ARHGAP33: variants seen among roughly 807,000 people sequenced by gnomAD.
ARHGAP33 encodes Rho GTPase activating protein 33.
A neutral mutation model predicts 126.2 loss-of-function variants in ARHGAP33; 57 were observed. That is an observed-to-expected ratio of 0.45 (90% CI 0.36 to 0.56). The LOEUF is 0.56. Ranked by LOEUF, ARHGAP33 falls within the 20% of genes least tolerant of loss-of-function variation. ARHGAP33 has a pLI of 0.00. For missense variants in ARHGAP33, 1,500 were observed against 1,748.3 expected, an observed-to-expected ratio of 0.86 and a Z score of 2.53; for synonymous variants, 711 against 755.0, an observed-to-expected ratio of 0.94 and a Z score of 0.95.
rs750073892 is a variant in ARHGAP33 at position 35,780,635 on chromosome 19, G to A, written c.756G>A (p.Pro252=). The A allele has an allele frequency of 7.4e-6, 12 of 1,612,662 alleles. No individual in the cohort carries two copies. In the East Asian group the frequency reaches 8.9e-5, roughly 12 times the overall value. The change falls in exon 9 of 21, where the codon CCG becomes CCA. Residue 252 remains proline (P), a synonymous_variant. Transcript: ENST00000007510. The part of the protein sequence containing the change: ...CVELFTERPG[P]GLKADADGPP... ...AACTCTTCACAGAGCGGCCAGGTCC[G>A]GGCCTGAAGGCGGGTAAGTGCCATG...
intron 19 of ARHGAP33, 95 bp downstream of exon 19, chr19:35,785,578 C>G (rs1972070731): frequency 6.3e-7 from 1 of 1,576,090 alleles, no homozygotes; most frequent in African/African-American, 1.4e-5. Flanking sequence ...TTATACTTCA[C>G]ATTTGGGGGC....
rs1028745029 is a variant in ARHGAP33, at chr19:35,775,579, T to G, written c.-80T>G. 4.2e-6 allele frequency: 6 copies of G among 1,441,452 alleles called. No homozygotes were observed. Among genetic ancestry groups the G allele is most frequent in the Non-Finnish European group, 5.5e-6 (6 of 1,099,894 alleles). The allele number at this position is 1,441,452 out of a possible 1,614,324, so 89.3% of individuals were successfully genotyped here. A position where few individuals can be genotyped will look rare whatever the true frequency, so the allele number is the denominator to read the frequency against. ...CGCGGCTCGCGCCCTCCCCTTTGTG[T>G]CGCCATGGCGGCGGCAGCGGCGACG... is the stretch of plus-strand genomic sequence containing the variant. On this transcript the variant is annotated 5_prime_UTR_variant, in exon 1 of 21. Coordinates refer to ENST00000007510, the MANE Select transcript of ARHGAP33 (RefSeq NM_001366178.1).
chr19:35,787,923 G>C lies in ARHGAP33; in HGVS notation c.3358G>C (p.Gly1120Arg), dbSNP rs143479801. 1.2e-5 allele frequency: 18 copies of C among 1,557,900 alleles called. No homozygotes were observed. The highest frequency in any genetic ancestry group is 1.6e-5 in the Non-Finnish European group (18 of 1,160,720). The change falls in exon 21 of 21, where the codon GGC (glycine) becomes CGC (arginine). Residue 1120 changes from glycine (G) to arginine (R), a missense_variant. Around this residue, in one of 6 missense-constraint regions of ARHGAP33, gnomAD observed 642 missense variants for 634.0 expected, o/e 1.01. Transcript: ENST00000007510. ...MPPDRLNASYGMLGQSPPLHR... is the reference protein window; with the variant it reads ...MPPDRLNASYRMLGQSPPLHR... ...CCCCGACAGGCTCAATGCCTCCTAC[G>C]GCATGCTTGGCCAATCACCCCCACT... is the stretch of plus-strand genomic sequence containing the variant.
At chr19:35,779,425 A>G (rs1971629138) in intron 6 of ARHGAP33, among the ~76,000 whole-genome samples, 1 of 152,048 alleles carries the variant, frequency 6.6e-6, no homozygotes, top group African/African-American at 2.4e-5. Flanking sequence ...GGCTTAAACC[A>G]GAGGGGTTTT....
Position 35,786,431 on chromosome 19 carries a change from G to C in ARHGAP33, c.1961G>C (p.Arg654Thr). ...CCTCCAGGCCTCCAGAGGCTGCACA[G>C]GCTGCGGCGACCCCACTCCAGCAGC... The part of the protein sequence containing the change: ...ASGAGLQRLH[R>T]LRRPHSSSDA... Residue 654 changes from arginine (R) to threonine (T), a missense_variant, in exon 20 of 21, where the codon AGG (arginine) becomes ACG (threonine). Physicochemically the swap from Arg to Thr is moderately conservative, Grantham distance 71 (BLOSUM62 -1). This residue lies in a region of ARHGAP33 where 300 missense variants were observed against 291.1 expected (regional missense o/e 1.03). Coordinates refer to ENST00000007510, the MANE Select transcript of ARHGAP33 (RefSeq NM_001366178.1). The surrounding 1 kb of genome is among the most constrained non-coding windows in gnomAD (Gnocchi z 7.0). 6.5e-7 allele frequency: 1 copy of C among 1,534,528 alleles called. No homozygotes were observed.
intron 15 of ARHGAP33, among the ~76,000 whole-genome samples, chr19:35,783,174 G>C (rs1372570751): frequency 1.3e-5 from 2 of 152,190 alleles, no homozygotes; most frequent in African/African-American, 4.8e-5. Context: ...TCAGGGCAGT[G>C]TGAAGTTTTT....
At chr19:35,785,726 T>C in intron 19 of ARHGAP33, 14 of 1,365,008 alleles carry the variant, frequency 1.0e-5, no homozygotes, top group East Asian at 3.0e-5. Flanking sequence ...ATTATTCCTG[T>C]TGAACATTTT....
At position 35,781,316 on chromosome 19, in the gene ARHGAP33, C is replaced by T. The variant is rs1366430675; in HGVS notation, c.1085+64C>T. The T allele has an allele frequency of 8.6e-6, 13 of 1,508,590 alleles. No individual in the cohort carries two copies. The Middle Eastern group carries it at 5.2e-4, about 61-fold the overall frequency. The allele number at this position is 1,508,590 out of a possible 1,614,324, so 93.5% of individuals were successfully genotyped here. On this transcript the variant is annotated intron_variant, in intron 12 of 20. Transcript: ENST00000007510. ...TCACCCAGCACCTCCACTCCAGCCCCGTGCTGCATGCTGGGGACACAGTTA... is the reference window on the plus strand; with the variant it reads ...TCACCCAGCACCTCCACTCCAGCCCTGTGCTGCATGCTGGGGACACAGTTA...
At chr19:35,778,208 C>A in intron 3 of ARHGAP33, 72 bp from the exon 4 acceptor site, 2 of 1,529,824 alleles carry the variant, frequency 1.3e-6, no homozygotes, top group South Asian at 1.1e-5. Flanking sequence ...CAAACCCGTC[C>A]CTAGATAGTG....
Position 35,786,046 on chromosome 19 carries a change from G to A in ARHGAP33, c.1943-367G>A. On this transcript the variant is annotated intron_variant, in intron 19 of 20. Coordinates refer to ENST00000007510, the MANE Select transcript of ARHGAP33 (RefSeq NM_001366178.1). This position sits in a 1 kb window ranked among gnomAD's most constrained non-coding sequence, Gnocchi z 7.0. ...TGGGTGCTGCTCTCCGACCTCTGCGGGGGGCTGCTTATCCACCCCACCCAG... is the reference window on the plus strand; with the variant it reads ...TGGGTGCTGCTCTCCGACCTCTGCGAGGGGCTGCTTATCCACCCCACCCAG... 9 of 1,161,362 alleles carry A rather than the reference G, an allele frequency of 7.7e-6. No homozygotes were observed. The highest frequency in any genetic ancestry group is 9.6e-6 in the Non-Finnish European group (9 of 940,436). 71.9% of individuals were successfully genotyped at this position (1,161,362 alleles called of 1,614,324 possible).
Position 35,777,696 on chromosome 19 carries a change from C to T in ARHGAP33, c.58C>T (p.Leu20=). Residue 20 remains leucine (L), a synonymous_variant, in exon 2 of 21, where the codon CTA becomes TTA. Coordinates refer to ENST00000007510, the MANE Select transcript of ARHGAP33 (RefSeq NM_001366178.1). ...DGPGEGSVQP[L]PTAGGPSVKG... Reference sequence around the variant, plus strand: ...CCCAGGGGAGGGCTCGGTGCAGCCTCTACCCACTGCTGGGGGGCCCAGTGT... The same window carrying T: ...CCCAGGGGAGGGCTCGGTGCAGCCTTTACCCACTGCTGGGGGGCCCAGTGT... 1 of 1,600,662 alleles carries T rather than the reference C, an allele frequency of 6.2e-7. No individual in the cohort carries two copies. The highest frequency in any genetic ancestry group is 1.1e-5 in the South Asian group (1 of 89,546).
At chr19:35,777,998 T>A in intron 3 of ARHGAP33, 90 bp downstream of exon 3, 1 of 1,458,928 alleles carries the variant, frequency 6.9e-7, no homozygotes, top group Middle Eastern at 1.8e-4. Flanking sequence ...CTGAAACTTA[T>A]CCCTGTGACT....
chr19:35,777,242 G>A (rs1323625975), intron 1 of ARHGAP33, among the ~76,000 whole-genome samples: 2 of 152,162 alleles, frequency 1.3e-5, no homozygotes, highest in African/African-American at 2.4e-5. Flanking sequence ...TTCTGAAAAC[G>A]ATCCAGGCTA....
rs1001143225 is a variant in ARHGAP33 at position 35,787,792 on chromosome 19, C to T, written c.3227C>T (p.Pro1076Leu). 1 of 1,597,102 alleles carries T rather than the reference C, an allele frequency of 6.3e-7. No individual in the cohort carries two copies. The highest frequency in any genetic ancestry group is 1.4e-5 in the African/African-American group (1 of 73,916). Reference sequence around the variant, plus strand: ...GTCTGGAGGAGCTCTCTGGGCCCCCCTGCACCACTCGACAGGGGAGAGAAC... The same window carrying T: ...GTCTGGAGGAGCTCTCTGGGCCCCCTTGCACCACTCGACAGGGGAGAGAAC... ...APVWRSSLGP[P>L]APLDRGENLY... The change falls in exon 21 of 21, where the codon CCT becomes CTT. Residue 1076 changes from proline (P) to leucine (L), a missense_variant. By Grantham distance (98) the Pro-to-Leu change is moderately conservative (BLOSUM62 -3). Coordinates refer to ENST00000007510, the MANE Select transcript of ARHGAP33 (RefSeq NM_001366178.1).
rs1971872493 is a variant in ARHGAP33, at chr19:35,782,848, T to C, written c.1400T>C (p.Val467Ala). ...TSMHARNLAI[V>A]WAPNLLRSME... ...ATGCATGCCCGCAACCTGGCCATTG[T>C]CTGGGCACCCAACCTGCTACGGTGA... The change falls in exon 15 of 21, where the codon GTC (valine) becomes GCC (alanine). Residue 467 changes from valine (V) to alanine (A), a missense_variant. By Grantham distance (64) the Val-to-Ala change is moderately conservative (BLOSUM62 0). Transcript: ENST00000007510. The surrounding 1 kb of genome is among the most constrained non-coding windows in gnomAD (Gnocchi z 4.1). The C allele has an allele frequency of 6.2e-7, 1 of 1,613,182 alleles. No homozygotes were observed. The highest frequency in any genetic ancestry group is 8.5e-7 in the Non-Finnish European group (1 of 1,179,646).
In ARHGAP33 at chr19:35,786,707, G is replaced by A. The variant is rs1295177450; in HGVS notation, c.2237G>A (p.Arg746His). Reference sequence around the variant, plus strand: ...CTGGACTTTGATCCCTTAACCTTCCGCTGCAGCAGCCCCACCCCAGGGGAT... The same window carrying A: ...CTGGACTTTGATCCCTTAACCTTCCACTGCAGCAGCCCCACCCCAGGGGAT... Reference protein sequence around the residue: ...RGLDFDPLTFRCSSPTPGDPA... With the variant: ...RGLDFDPLTFHCSSPTPGDPA... The change falls in exon 20 of 21, where the codon CGC (arginine) becomes CAC (histidine). Residue 746 changes from arginine (R) to histidine (H), a missense_variant. Arg to His is a conservative substitution (Grantham distance 29). Coordinates refer to ENST00000007510, the MANE Select transcript of ARHGAP33 (RefSeq NM_001366178.1). The surrounding 1 kb of genome is among the most constrained non-coding windows in gnomAD (Gnocchi z 7.0). The A allele has an allele frequency of 2.0e-5, 31 of 1,534,504 alleles. No individual in the cohort carries two copies. The highest frequency in any genetic ancestry group is 8.2e-5 in the African/African-American group (6 of 72,914).
In ARHGAP33 at chr19:35,778,309, C is replaced by A. The variant is rs755736461; in HGVS notation, c.219C>A (p.Pro73=). The A allele has an allele frequency of 1.2e-6, 2 of 1,614,208 alleles. No homozygotes were observed. Among genetic ancestry groups the A allele is most frequent in the Non-Finnish European group, 1.7e-6 (2 of 1,180,028 alleles). ...QLLLSPDREG[P]SLSGENELVF... ...TGCTGTCTCCAGACCGTGAAGGGCC[C>A]AGCCTCTCTGGAGAGAATGAGCTGG... Residue 73 remains proline, a synonymous_variant, in exon 4 of 21, where the codon CCC becomes CCA. Coordinates refer to ENST00000007510, the MANE Select transcript of ARHGAP33 (RefSeq NM_001366178.1).
rs750212379 is a variant in ARHGAP33, at chr19:35,788,416, G to A, written c.3851G>A (p.Arg1284Gln). The A allele has an allele frequency of 8.3e-5, 131 of 1,568,976 alleles. No individual in the cohort carries two copies. The highest frequency in any genetic ancestry group is 9.8e-5 in the Non-Finnish European group (114 of 1,157,636). Residue 1284 changes from arginine (R) to glutamine (Q), a missense_variant, in exon 21 of 21, where the codon CGA (arginine) becomes CAA (glutamine). This residue lies in a region of ARHGAP33 where 642 missense variants were observed against 634.0 expected (regional missense o/e 1.01). Transcript: ENST00000007510. Reference sequence around the variant, plus strand: ...TCCCTCCACTCTGAGGGCCAGACCCGAAGCTACTGCTGAGCACCAGCTGGG... The same window carrying A: ...TCCCTCCACTCTGAGGGCCAGACCCAAAGCTACTGCTGAGCACCAGCTGGG... ...SWSLHSEGQTRSYC is the reference protein window; with the variant it reads ...SWSLHSEGQTQSYC
chr19:35,785,199 G>A lies in ARHGAP33; in HGVS notation c.1732G>A (p.Glu578Lys), dbSNP rs767397081. 7.0e-6 allele frequency: 11 copies of A among 1,578,334 alleles called. 1 individual carries two copies. The Admixed American group carries it at 1.6e-4, about 23-fold the overall frequency. ...TCCCCCAAACCGCAGGAGGAAAGGG[G>A]AGAGAGGGGAGAAGCAGCGGAAGCC... ...PASPAERRKG[E>K]RGEKQRKPGG... The change falls in exon 18 of 21, where the codon GAG (glutamate) becomes AAG (lysine). Residue 578 changes from glutamate to lysine, a missense_variant. By Grantham distance (56) the Glu-to-Lys change is moderately conservative (BLOSUM62 1). Transcript: ENST00000007510.
Sources: gnomAD v4.1 joint callset for allele counts (sites outside exome capture counted in the v4.1 genomes callset) on GRCh38, gnomAD v4.1.1 for gene constraint, gnomAD v4.1.1 regional missense constraint, Gnocchi (gnomAD v3.1) non-coding constraint, MANE v1.5 for transcripts, NCBI Gene and HGNC (gene_info 2026-07-23, HGNC 2026-07-21) for gene names.